Variants in MACF1 observed in about 807,000 individuals in gnomAD.
MACF1 encodes microtubule-actin cross-linking factor 1.
Under a neutral mutation model 854.8 loss-of-function variants are expected in MACF1, and 193 were observed. The ratio of observed to expected loss-of-function variants is 0.23; its 90% CI spans 0.20 to 0.25. The LOEUF (loss-of-function observed/expected upper bound fraction) is 0.25, where lower values mean the gene tolerates loss of function less well. Among genes scored for constraint, MACF1 ranks in the 10% least tolerant of loss-of-function variants. MACF1 has a pLI of 1.00. For missense variants in MACF1, 7,722 were observed against 8,929.1 expected (o/e 0.86, Z 5.45); for synonymous variants, 3,185 against 3,226.7 (o/e 0.99, Z 0.44).
chr1:39,224,599 G>A (rs942054359), intron 1 of MACF1, among the ~76,000 whole-genome samples: 1 of 152,116 alleles, frequency 6.6e-6, no homozygotes, highest in African/African-American at 2.4e-5. Flanking sequence ...AATAGGAGGT[G>A]GGGAAGTGAA....
At chr1:39,100,506 G>A (rs1028344566) in intron 2 of MACF1, among the ~76,000 whole-genome samples, 1 of 152,172 alleles carries the variant, frequency 6.6e-6, no homozygotes, top group Non-Finnish European at 1.5e-5. Flanking sequence ...CTAGTCAGTA[G>A]TCACAGACAG....
chr1:39,300,492 G>T, intron 22 of MACF1, 130 bp downstream of exon 22: 4 of 893,702 alleles, frequency 4.5e-6, no homozygotes, highest in Non-Finnish European at 6.2e-6. Context: ...ACATGCTGAA[G>T]TCTCTCCTAT....
At chr1:39,299,976 T>A (rs1169203042) in intron 21 of MACF1, among the ~76,000 whole-genome samples, 1 of 152,232 alleles carries the variant, frequency 6.6e-6, no homozygotes, top group Non-Finnish European at 1.5e-5. Flanking sequence ...TCATTGAAAG[T>A]GGCACAGGGA....
At chr1:39,208,623 T>A (rs1014995120) in intron 1 of MACF1, among the ~76,000 whole-genome samples, 2 of 151,914 alleles carry the variant, frequency 1.3e-5, no homozygotes, top group Admixed American at 1.3e-4. Flanking sequence ...CTGACTAATT[T>A]TTTATTTATT....
At chr1:39,297,500 A>G in intron 20 of MACF1, 120 bp from the exon 21 acceptor site, 1 of 1,154,866 alleles carries the variant, frequency 8.7e-7, no homozygotes, top group Non-Finnish European at 1.2e-6. Context: ...AACTGTCACT[A>G]ATGCAGTAGG....
chr1:39,303,697 C>CAA (rs35773116), intron 23 of MACF1, among the ~76,000 whole-genome samples: 6 of 104,382 alleles, frequency 5.7e-5, no homozygotes, highest in Admixed American at 2.1e-4. Flanking sequence ...ACTAAAAATA[C>CAA]AAAAAAAAAA....
rs201648926 is a variant in MACF1, at chr1:39,422,525, T to C, written c.15968T>C (p.Leu5323Ser). 6.2e-7 allele frequency: 1 copy of C among 1,609,480 alleles called. No homozygotes were observed. The highest frequency in any genetic ancestry group is 8.5e-7 in the Non-Finnish European group (1 of 1,177,346). ...MEEINARWNTLNKKVAQRIAQ... is the reference protein window; with the variant it reads ...MEEINARWNTSNKKVAQRIAQ... ...GAGATCAATGCTCGATGGAATACAT[T>C]GAATAAAAAGGTGAGTGACAATGGG... The change falls in exon 59 of 101, where the codon TTG becomes TCG. Residue 5323 changes from leucine to serine, a missense_variant. Physicochemically the swap from Leu to Ser is moderately radical, Grantham distance 145. Transcript: ENST00000564288.
chr1:39,239,649 C>A (rs146601512), intron 2 of MACF1, among the ~76,000 whole-genome samples: 39 of 152,246 alleles, frequency 2.6e-4, no homozygotes, highest in South Asian at 6.2e-4. Context: ...GTGTATCCCC[C>A]TAAAGAGAAC....
intron 26 of MACF1, among the ~76,000 whole-genome samples, chr1:39,312,599 C>T (rs535508410): frequency 2.0e-5 from 3 of 152,134 alleles, no homozygotes; most frequent in East Asian, 1.9e-4. Context: ...CTGATGTAGG[C>T]GGATTGCATG....
rs1238492861 is a variant in MACF1 at position 39,310,929 on chromosome 1, C to A, written c.3199C>A (p.Gln1067Lys). Residue 1067 changes from glutamine (Q) to lysine (K), a missense_variant, in exon 26 of 101, where the codon CAG becomes AAG. Coordinates refer to ENST00000564288, the MANE Select transcript of MACF1 (RefSeq NM_001394062.1). ...EYEQRVVKRI[Q>K]SLASSRTDRD... ...TGAACAGAGGGTGGTCAAACGAATTCAGTCTCTAGCCAGCTCTAGGACTGA... is the reference window on the plus strand; with the variant it reads ...TGAACAGAGGGTGGTCAAACGAATTAAGTCTCTAGCCAGCTCTAGGACTGA... 1.9e-6 allele frequency: 3 copies of A among 1,614,088 alleles called. No homozygotes were observed. The African/African-American group carries it at 4.0e-5, about 22-fold the overall frequency.
chr1:39,309,803 T>C, intron 24 of MACF1, 107 bp downstream of exon 24: 2 of 1,233,536 alleles, frequency 1.6e-6, no homozygotes, highest in Non-Finnish European at 2.3e-6. Context: ...TGGAGTAAAG[T>C]GGACTCAGGA....
chr1:39,173,919 TTCTC>T (rs1249574710), intron 2 of MACF1, among the ~76,000 whole-genome samples: 4 of 152,110 alleles, frequency 2.6e-5, no homozygotes, highest in South Asian at 4.1e-4. Flanking sequence ...AGGCTGCCTT[TTCTC>T]TCTCTCTTTT....
At chr1:39,124,049 ATTTT>A (rs1009496081) in intron 2 of MACF1, among the ~76,000 whole-genome samples, 1 of 123,236 alleles carries the variant, frequency 8.1e-6, no homozygotes. Flanking sequence ...CAATTCTTGT[ATTTT>A]TTTTTTTTTT....
intron 64 of MACF1, 87 bp from the exon 65 acceptor site, chr1:39,429,740 T>G: frequency 7.7e-7 from 1 of 1,292,690 alleles, no homozygotes; most frequent in Non-Finnish European, 1.1e-6. Context: ...GTCTATGAAA[T>G]TAAAGCTCTG....
At chr1:39,225,126 G>A (rs1306169679) in intron 1 of MACF1, among the ~76,000 whole-genome samples, 1 of 152,142 alleles carries the variant, frequency 6.6e-6, no homozygotes. Flanking sequence ...CAAGATTATA[G>A]TGAACTATGA....
At chr1:39,363,456 G>C (rs1191808280) in intron 49 of MACF1, among the ~76,000 whole-genome samples, 1 of 151,816 alleles carries the variant, frequency 6.6e-6, no homozygotes, top group East Asian at 1.9e-4. Flanking sequence ...AAAAAAGAAG[G>C]GTATATTACG....
chr1:39,259,967 C>T (rs1645142147), intron 6 of MACF1, among the ~76,000 whole-genome samples: 1 of 152,122 alleles, frequency 6.6e-6, no homozygotes, highest in Non-Finnish European at 1.5e-5. Flanking sequence ...TTTCTGTTTA[C>T]TAGTTTTCAG....
intron 2 of MACF1, among the ~76,000 whole-genome samples, chr1:39,118,446 T>C (rs1320057688): frequency 2.6e-5 from 4 of 152,272 alleles, no homozygotes; most frequent in African/African-American, 9.6e-5. Flanking sequence ...TTTTCATTCT[T>C]GTTCTTATTG....
At chr1:39,319,777 G>A in intron 31 of MACF1, 30 bp downstream of exon 31, 2 of 1,494,702 alleles carry the variant, frequency 1.3e-6, no homozygotes, top group South Asian at 2.3e-5. Context: ...AAAAGAACAT[G>A]AATCATCACC....
Sources: gnomAD v4.1 joint callset for allele counts (sites outside exome capture counted in the v4.1 genomes callset) on GRCh38, gnomAD v4.1.1 for gene constraint, MANE v1.5 for transcripts, NCBI Gene and HGNC (gene_info 2026-07-23, HGNC 2026-07-21) for gene names.